The following ICE2 variants were observed in gnomAD, a reference collection of about 807,000 sequenced individuals.
The protein encoded by ICE2 is little elongation complex subunit 2.
In ICE2, 87 loss-of-function variants were observed where a neutral mutation model predicts 105.4. That is an observed-to-expected ratio of 0.83 (90% confidence interval 0.69 to 0.99). The LOEUF is 0.99. Ranked by LOEUF, ICE2 falls within the 50% of genes least tolerant of loss-of-function variation. The probability of loss-of-function intolerance (pLI) is 0.00; values close to 1 mark genes in which losing one functional copy is unlikely to be tolerated. For missense variants in ICE2, 1,323 were observed against 1,146.7 expected (o/e 1.15, Z -2.22); for synonymous variants, 399 against 392.0 (o/e 1.02, Z -0.21).
chr15:60,471,650 G>C (rs2064597359), intron 3 of ICE2, among the ~76,000 whole-genome samples: 1 of 152,058 alleles, frequency 6.6e-6, no homozygotes, highest in African/African-American at 2.4e-5. Flanking sequence ...ACTTCATCAG[G>C]GTGTAAACCA....
chr15:60,453,425 T>C, intron 9 of ICE2, 178 bp downstream of exon 9: 1 of 1,381,264 alleles, frequency 7.2e-7, no homozygotes, highest in Non-Finnish European at 9.4e-7. Flanking sequence ...GGAGAAAACT[T>C]AGGCTGAGGG....
At chr15:60,455,215 C>A in intron 7 of ICE2, 53 bp from the exon 8 acceptor site, 1 of 1,531,792 alleles carries the variant, frequency 6.5e-7, no homozygotes, top group Admixed American at 2.1e-5. Context: ...AAAATTTCTT[C>A]AATAAAGAAC....
chr15:60,440,673 T>C (rs974934540), intron 12 of ICE2: 2 of 152,204 alleles, frequency 1.3e-5, no homozygotes, highest in African/African-American at 2.4e-5. Context: ...CAATCTCCAC[T>C]TTTAAAAGCA....
intron 5 of ICE2, 66 bp from the exon 6 acceptor site, chr15:60,456,860 G>T (rs1429841326): frequency 1.0e-6 from 1 of 981,582 alleles, no homozygotes; most frequent in Non-Finnish European, 1.4e-6. Flanking sequence ...AAAATTTTTA[G>T]TTACATGTGA....
At chr15:60,452,067 T>A in intron 9 of ICE2, 1 of 984,918 alleles carries the variant, frequency 1.0e-6, no homozygotes, top group Non-Finnish European at 1.2e-6. Context: ...CACTGTCAAT[T>A]TTCATCCCTT....
In ICE2 at chr15:60,423,540, T is replaced by C; in HGVS notation, c.*94A>G. 8.2e-7 allele frequency: 1 copy of C among 1,212,250 alleles called. No homozygotes were observed. Among genetic ancestry groups the C allele is most frequent in the Non-Finnish European group, 1.1e-6 (1 of 894,482 alleles). 75.1% of individuals were successfully genotyped at this position (1,212,250 alleles called of 1,614,324 possible). On this transcript the variant is annotated 3_prime_UTR_variant, in exon 16 of 16. Coordinates refer to ENST00000261520, the MANE Select transcript of ICE2 (RefSeq NM_024611.6). ...CACTCTAGCTACTACAGGAAAAATG[T>C]TCCTCTTGCCTACTGATTATTTTCC... is the stretch of plus-strand genomic sequence containing the variant.
At position 60,456,697 on chromosome 15, in the gene ICE2, A is replaced by G; in HGVS notation, c.626T>C (p.Val209Ala). ...TTTTTCTAACTTTAATCCCATCTCT[A>G]CTCTGAATGGGAAGAATCCCATTAA... ...TSLMGFFPFR[V>A]EMGLKLEKTL... Residue 209 changes from valine to alanine, a missense_variant, in exon 6 of 16, where the codon GTA becomes GCA. Coordinates refer to ENST00000261520, the MANE Select transcript of ICE2 (RefSeq NM_024611.6). The G allele has an allele frequency of 6.3e-7, 1 of 1,598,254 alleles. No homozygotes were observed. The highest frequency in any genetic ancestry group is 8.5e-7 in the Non-Finnish European group (1 of 1,172,602).
chr15:60,448,215 T>A, intron 10 of ICE2, 70 bp from the exon 11 acceptor site: 1 of 951,324 alleles, frequency 1.1e-6, no homozygotes, highest in South Asian at 1.8e-5. Flanking sequence ...GATACAACAA[T>A]TCAATTAACT....
At chr15:60,473,987 C>T (rs2064683133) in intron 3 of ICE2, among the ~76,000 whole-genome samples, 1 of 151,610 alleles carries the variant, frequency 6.6e-6, no homozygotes. Context: ...CAACTCACTG[C>T]AGTCTCAAAC....
chr15:60,431,341 G>A (rs1302610513), intron 14 of ICE2, among the ~76,000 whole-genome samples: 13 of 151,988 alleles, frequency 8.6e-5, no homozygotes, highest in Admixed American at 8.5e-4. Flanking sequence ...TTGAGATGAG[G>A]GGATTATCCC....
intron 11 of ICE2, among the ~76,000 whole-genome samples, chr15:60,443,753 T>G: frequency 6.6e-6 from 1 of 152,190 alleles, no homozygotes; most frequent in East Asian, 1.9e-4. Flanking sequence ...TATCTGCATA[T>G]GATTTAGTCT....
intron 5 of ICE2, among the ~76,000 whole-genome samples, chr15:60,462,715 C>T (rs1387490234): frequency 6.6e-6 from 1 of 152,150 alleles, no homozygotes; most frequent in Non-Finnish European, 1.5e-5. Flanking sequence ...TGCGCTCTCT[C>T]TGGCTCTCGC....
intron 9 of ICE2, chr15:60,453,321 A>G: frequency 8.6e-7 from 1 of 1,163,440 alleles, no homozygotes; most frequent in African/African-American, 1.6e-5. Context: ...CTACATACAT[A>G]ACTAAAAACG....
intron 15 of ICE2, among the ~76,000 whole-genome samples, chr15:60,426,972 G>A (rs540704089): frequency 6.6e-6 from 1 of 152,266 alleles, no homozygotes; most frequent in South Asian, 2.1e-4. Flanking sequence ...CAAAACTGAA[G>A]ATAAAATAGC....
At chr15:60,432,484 C>A (rs912598539) in intron 13 of ICE2, among the ~76,000 whole-genome samples, 3 of 151,088 alleles carry the variant, frequency 2.0e-5, no homozygotes, top group Non-Finnish European at 2.9e-5. Context: ...GGCATGGGGT[C>A]GGGCCAATTT....
intron 3 of ICE2, among the ~76,000 whole-genome samples, chr15:60,474,051 T>C (rs1412547067): frequency 6.6e-6 from 1 of 152,098 alleles, no homozygotes; most frequent in Non-Finnish European, 1.5e-5. Flanking sequence ...ACTATAGGTA[T>C]GTGCCACTAC....
At chr15:60,428,344 A>G (rs1956523027) in intron 15 of ICE2, 85 bp downstream of exon 15, 2 of 1,363,020 alleles carry the variant, frequency 1.5e-6, no homozygotes, top group South Asian at 2.7e-5. Flanking sequence ...GACAATGAGA[A>G]CATCAGGGTG....
intron 5 of ICE2, among the ~76,000 whole-genome samples, chr15:60,459,905 A>G (rs1418946815): frequency 2.6e-5 from 4 of 152,244 alleles, no homozygotes; most frequent in African/African-American, 9.6e-5. Context: ...AAAACACAGA[A>G]AAAGTAAAAG....
chr15:60,457,772 G>C (rs1299506181), intron 5 of ICE2, among the ~76,000 whole-genome samples: 2 of 152,060 alleles, frequency 1.3e-5, no homozygotes, highest in Non-Finnish European at 2.9e-5. Context: ...GGTATCATTT[G>C]TAACTAACAC....
Sources: allele counts gnomAD v4.1 joint callset (sites outside exome capture counted in the v4.1 genomes callset), GRCh38; gene constraint gnomAD v4.1.1; transcripts MANE v1.5; gene names NCBI Gene and HGNC (gene_info 2026-07-23, HGNC 2026-07-21).